Variants in ECT2 observed in about 807,000 individuals in gnomAD.
ECT2 encodes the protein epithelial cell transforming 2.
ECT2 carries 61 observed loss-of-function variants against 116.9 expected under a neutral mutation model. The observed-to-expected ratio is 0.52, with a 90% CI of 0.42 to 0.65. ECT2 has a LOEUF of 0.65. ECT2 is among the 30% of genes least tolerant of loss of function. The probability of loss-of-function intolerance (pLI) is 0.00; values close to 1 mark genes in which losing one functional copy is unlikely to be tolerated. For synonymous variants in ECT2, 358 were observed against 346.4 expected, an observed-to-expected ratio of 1.03 and a Z score of -0.37; for missense variants, 937 against 1,078.7, an observed-to-expected ratio of 0.87 and a Z score of 1.84.
In ECT2 at chr3:172,763,541, C is replaced by T. The variant is rs141371920; in HGVS notation, c.1068+569C>T. On this transcript the variant is annotated intron_variant, in intron 11 of 24. Transcript: ENST00000392692. ...AGATAGAATCAAGAAGTTTTTAATA[C>T]ATTAATGAGCTTGGATATTATCCTA... 2.7e-3 allele frequency among the ~76,000 whole-genome samples: 405 copies of T among 152,258 alleles called. 1 individual carries two copies. Among genetic ancestry groups the T allele is most frequent in the African/African-American group, 9.3e-3 (386 of 41,544 alleles).
intron 16 of ECT2, 52 bp downstream of exon 16, chr3:172,783,961 T>A: frequency 8.1e-7 from 1 of 1,231,984 alleles, no homozygotes; most frequent in Non-Finnish European, 1.2e-6. Context: ...CTGAAGTAAT[T>A]CACCACAATT....
intron 5 of ECT2, among the ~76,000 whole-genome samples, chr3:172,757,817 A>G (rs1021490038): frequency 6.6e-6 from 1 of 152,176 alleles, no homozygotes. Context: ...CTCAACACAG[A>G]ACAGATACCA....
downstream of ECT2, among the ~76,000 whole-genome samples, chr3:172,823,933 CTT>C (rs71162315): frequency 0.016 from 2,008 of 126,616 alleles, 27 homozygotes; most frequent in African/African-American, 0.043. Flanking sequence ...AAGTTTTTCT[CTT>C]TTTTTTTTTT....
chr3:172,818,019 T>A (rs560814305), intron 24 of ECT2, among the ~76,000 whole-genome samples: 1 of 152,148 alleles, frequency 6.6e-6, no homozygotes, highest in Non-Finnish European at 1.5e-5. Context: ...AGTTATTATA[T>A]GTAAAGTGCT....
At chr3:172,761,523 G>C (rs1718293755) in intron 7 of ECT2, 87 bp from the exon 8 acceptor site, 1 of 874,508 alleles carries the variant, frequency 1.1e-6, no homozygotes, top group South Asian at 1.6e-5. Context: ...ATCTAAAACT[G>C]CAAAAAATTA....
chr3:172,816,574 C>A, intron 23 of ECT2, 117 bp from the exon 24 acceptor site: 1 of 743,434 alleles, frequency 1.3e-6, no homozygotes, highest in Non-Finnish European at 2.0e-6. Context: ...GATTCTAATC[C>A]TGCCACATAG....
chr3:172,821,451 A>G lies in ECT2; in HGVS notation c.*1214A>G, dbSNP rs1730675311. ...AATTGTATTAGTAAGAACTTTGTAA[A>G]TAAATACCTAAAACCCAAGTGTATT... On this transcript the variant is annotated 3_prime_UTR_variant, in exon 25 of 25. Transcript: ENST00000392692. 1 of 151,936 alleles carries G rather than the reference A, an allele frequency of 6.6e-6. No homozygotes were observed. The highest frequency in any genetic ancestry group is 1.5e-5 in the Non-Finnish European group (1 of 67,810). 9.4% of individuals were successfully genotyped at this position (151,936 alleles called of 1,614,324 possible). A position where few individuals can be genotyped will look rare whatever the true frequency, so the allele number is the denominator to read the frequency against.
At chr3:172,816,640 T>G (rs770930844) in intron 23 of ECT2, 51 bp from the exon 24 acceptor site, 17 of 1,488,772 alleles carry the variant, frequency 1.1e-5, no homozygotes, top group Non-Finnish European at 1.5e-5. Flanking sequence ...AATATTCTCA[T>G]CAGCTGTATT....
intron 18 of ECT2, among the ~76,000 whole-genome samples, chr3:172,790,383 C>T (rs1724444338): frequency 6.6e-6 from 1 of 152,222 alleles, no homozygotes; most frequent in Non-Finnish European, 1.5e-5. Context: ...CCTCTGTAAC[C>T]CCTGTAGGAA....
At chr3:172,755,968 G>A (rs1161408653) in intron 4 of ECT2, among the ~76,000 whole-genome samples, 1 of 152,216 alleles carries the variant, frequency 6.6e-6, no homozygotes, top group Non-Finnish European at 1.5e-5. Context: ...TAAGGTGTGT[G>A]TAGGTTTAGT....
At chr3:172,780,199 T>C (rs964363246) in intron 14 of ECT2, among the ~76,000 whole-genome samples, 4 of 152,112 alleles carry the variant, frequency 2.6e-5, no homozygotes, top group Non-Finnish European at 5.9e-5. Flanking sequence ...ATTGTAAATA[T>C]GTTTATATAG....
At chr3:172,762,026 T>C (rs1426291409) in intron 8 of ECT2, among the ~76,000 whole-genome samples, 2 of 152,128 alleles carry the variant, frequency 1.3e-5, no homozygotes, top group South Asian at 2.1e-4. Context: ...GTGCTTGAAA[T>C]TTATTGCCTT....
chr3:172,783,576 T>C (rs1723092594), intron 15 of ECT2, among the ~76,000 whole-genome samples: 1 of 152,140 alleles, frequency 6.6e-6, no homozygotes, highest in African/African-American at 2.4e-5. Context: ...TTTCTGAGTC[T>C]TCCTGTTTTA....
chr3:172,794,456 G>A (rs950721344), intron 18 of ECT2, among the ~76,000 whole-genome samples: 1 of 152,124 alleles, frequency 6.6e-6, no homozygotes, highest in South Asian at 2.1e-4. Context: ...TCATTGATCT[G>A]TATGTCTGTG....
At chr3:172,821,889 T>G (rs1246901477), downstream of ECT2, among the ~76,000 whole-genome samples, 1 of 151,820 alleles carries the variant, frequency 6.6e-6, no homozygotes, top group Non-Finnish European at 1.5e-5. Flanking sequence ...GTAGTTAATT[T>G]TAATTTGAAA....
rs1248252734 is a variant in ECT2, at chr3:172,816,700, G to A, written c.2518G>A (p.Ala840Thr). The A allele has an allele frequency of 3.8e-6, 6 of 1,599,606 alleles. No homozygotes were observed. Among genetic ancestry groups the A allele is most frequent in the East Asian group, 2.2e-5 (1 of 44,590 alleles). Residue 840 changes from alanine to threonine, a missense_variant, in exon 24 of 25, where the codon GCA becomes ACA. Physicochemically the swap from Ala to Thr is moderately conservative, Grantham distance 58. Coordinates refer to ENST00000392692, the MANE Select transcript of ECT2 (RefSeq NM_001258315.2). ...GTAACTTAAACTCTAGGTTACAAGA[G>A]CATTCTCTTTCTCCAAAACTCCAAA... ...IKKTSKKVTR[A>T]FSFSKTPKRA...
chr3:172,818,653 T>C (rs1257903129), intron 24 of ECT2: 1 of 1,289,378 alleles, frequency 7.8e-7, no homozygotes, highest in Admixed American at 2.3e-5. Context: ...CTGGTTTCAA[T>C]CTGTACGTCA....
chr3:172,785,785 CTG>C (rs1358356036), intron 17 of ECT2, among the ~76,000 whole-genome samples: 2 of 152,128 alleles, frequency 1.3e-5, no homozygotes, highest in Admixed American at 1.3e-4. Context: ...CTATTTAAAA[CTG>C]TTCTGTTTTG....
At position 172,815,649 on chromosome 3, in the gene ECT2, A is replaced by C. The variant is rs1729563666; in HGVS notation, c.2446A>C (p.Thr816Pro). 6.2e-7 allele frequency: 1 copy of C among 1,603,382 alleles called. No individual in the cohort carries two copies. Among genetic ancestry groups the C allele is most frequent in the Non-Finnish European group, 8.5e-7 (1 of 1,175,804 alleles). ...TADPESFEVN[T>P]KDMDSTLSRA... ...TGATCCAGAATCCTTTGAAGTAAAT[A>C]CAAAAGATATGGACAGTACATTGAG... is the stretch of plus-strand genomic sequence containing the variant. Residue 816 changes from threonine (T) to proline (P), a missense_variant, in exon 23 of 25, where the codon ACA (threonine) becomes CCA (proline). Thr to Pro is a conservative substitution (Grantham distance 38, BLOSUM62 -1). Transcript: ENST00000392692.
Sources: gnomAD v4.1 joint callset for allele counts (sites outside exome capture counted in the v4.1 genomes callset) on GRCh38, gnomAD v4.1.1 for gene constraint, MANE v1.5 for transcripts, NCBI Gene and HGNC (gene_info 2026-07-23, HGNC 2026-07-21) for gene names.